Variants in PRKCE observed in about 807,000 individuals in gnomAD.
PRKCE encodes the protein protein kinase C epsilon type.
In PRKCE, 16 loss-of-function variants were observed where a neutral mutation model predicts 85.4. That is an observed-to-expected ratio of 0.19 (90% CI 0.13 to 0.28). The LOEUF (loss-of-function observed/expected upper bound fraction) is 0.28, where lower values mean the gene tolerates loss of function less well. Among genes scored for constraint, PRKCE ranks in the 10% least tolerant of loss-of-function variants. The probability of loss-of-function intolerance (pLI) is 1.00; values close to 1 mark genes in which losing one functional copy is unlikely to be tolerated. For missense variants in PRKCE, 573 were observed against 975.2 expected (o/e 0.59, Z 5.49); for synonymous variants, 388 against 371.5 (o/e 1.04, Z -0.51).
intron 10 of PRKCE, among the ~76,000 whole-genome samples, chr2:46,070,289 A>AC (rs11383987): frequency 0.086 from 13,032 of 152,258 alleles, 836 homozygotes; most frequent in Non-Finnish European, 0.13. Flanking sequence ...TCCTGTGTGG[A>AC]CCCTCAATAC....
chr2:46,028,131 G>A (rs964286310), intron 10 of PRKCE, among the ~76,000 whole-genome samples: 10 of 152,070 alleles, frequency 6.6e-5, no homozygotes, highest in Non-Finnish European at 1.2e-4. Context: ...TAGTAGAGAC[G>A]GGGTTTTGCC....
intron 14 of PRKCE, among the ~76,000 whole-genome samples, chr2:46,166,638 C>T (rs1201885244): frequency 6.6e-6 from 1 of 152,224 alleles, no homozygotes; most frequent in Non-Finnish European, 1.5e-5. Flanking sequence ...CCTCTGGCTT[C>T]CTTGAGCCTC....
At chr2:45,870,165 T>C (rs1255048446) in intron 2 of PRKCE, among the ~76,000 whole-genome samples, 1 of 152,232 alleles carries the variant, frequency 6.6e-6, no homozygotes, top group Non-Finnish European at 1.5e-5. Flanking sequence ...GAGTCCTTTC[T>C]TTTAAACAGC....
chr2:45,992,507 C>T (rs1244894569), intron 6 of PRKCE, among the ~76,000 whole-genome samples: 1 of 152,226 alleles, frequency 6.6e-6, no homozygotes, highest in Non-Finnish European at 1.5e-5. Flanking sequence ...CTGCCAACTT[C>T]CATTGCACAA....
At chr2:45,671,160 G>A (rs952928382) in intron 1 of PRKCE, among the ~76,000 whole-genome samples, 6 of 152,174 alleles carry the variant, frequency 3.9e-5, no homozygotes, top group African/African-American at 1.4e-4. Flanking sequence ...ACTGCACAAT[G>A]GGGATACATT....
At chr2:45,660,024 T>TTGAA (rs1383381598) in intron 1 of PRKCE, among the ~76,000 whole-genome samples, 1 of 152,212 alleles carries the variant, frequency 6.6e-6, no homozygotes, top group Non-Finnish European at 1.5e-5. Context: ...GAATAAATTG[T>TTGAA]TGAATGAATG....
At chr2:46,019,146 A>T (rs929244199) in intron 10 of PRKCE, among the ~76,000 whole-genome samples, 3 of 152,232 alleles carry the variant, frequency 2.0e-5, no homozygotes, top group East Asian at 3.8e-4. Flanking sequence ...GAATAACCTG[A>T]TTTTGTTCAA....
chr2:46,126,043 G>C (rs111649576), intron 11 of PRKCE, among the ~76,000 whole-genome samples: 4 of 152,338 alleles, frequency 2.6e-5, no homozygotes, highest in African/African-American at 9.6e-5. Flanking sequence ...TGCCGAGTGG[G>C]CTCAGGCAGT....
chr2:45,825,755 G>T (rs1689894214), intron 1 of PRKCE, among the ~76,000 whole-genome samples: 1 of 152,140 alleles, frequency 6.6e-6, no homozygotes, highest in East Asian at 1.9e-4. Context: ...AGGCATGGTG[G>T]CATGCACCTG....
intron 4 of PRKCE, 54 bp downstream of exon 4, chr2:45,979,064 A>C: frequency 1.1e-5 from 17 of 1,540,246 alleles, no homozygotes; most frequent in Non-Finnish European, 1.4e-5. Context: ...GATCCAGATC[A>C]CTGGCACCCA....
chr2:45,805,561 A>T (rs967569166), intron 1 of PRKCE, among the ~76,000 whole-genome samples: 4 of 151,354 alleles, frequency 2.6e-5, no homozygotes, highest in Admixed American at 6.6e-5. Flanking sequence ...CACTTATTGA[A>T]GCTTATGCTA....
chr2:45,950,642 C>T (rs1700556321), intron 2 of PRKCE, among the ~76,000 whole-genome samples: 1 of 152,032 alleles, frequency 6.6e-6, no homozygotes, highest in African/African-American at 2.4e-5. Flanking sequence ...ATGCCCAGGC[C>T]AAGTGTCTAA....
intron 2 of PRKCE, among the ~76,000 whole-genome samples, chr2:45,847,144 A>G (rs1691861322): frequency 6.6e-6 from 1 of 152,198 alleles, no homozygotes; most frequent in Non-Finnish European, 1.5e-5. Context: ...TTGTCACTCC[A>G]TTTATTCCTT....
intron 1 of PRKCE, among the ~76,000 whole-genome samples, chr2:45,783,937 C>T (rs1305410333): frequency 6.6e-6 from 1 of 152,254 alleles, no homozygotes; most frequent in East Asian, 1.9e-4. Context: ...TTTCTTTCTT[C>T]ATCTTCCAGG....
intron 10 of PRKCE, among the ~76,000 whole-genome samples, chr2:46,023,998 A>T (rs1706896434): frequency 6.6e-6 from 1 of 152,220 alleles, no homozygotes; most frequent in Admixed American, 6.5e-5. Context: ...CCAAAGAGGG[A>T]TCATACAGCT....
At position 45,707,594 on chromosome 2, in the gene PRKCE, G is replaced by C. The variant is rs982388296; in HGVS notation, c.348+55146G>C. On this transcript the variant is annotated intron_variant, in intron 1 of 14. Coordinates refer to ENST00000306156, the MANE Select transcript of PRKCE (RefSeq NM_005400.3). ...CCCTGTGCTTGTCCTTTTGGGAGAG[G>C]CTTTATCTGTTCATGGAAGTCAAGG... 2.6e-5 allele frequency among the ~76,000 whole-genome samples: 4 copies of C among 152,280 alleles called. No individual in the cohort carries two copies. In the East Asian group the frequency reaches 7.7e-4, roughly 29 times the overall value.
At chr2:45,762,500 C>A (rs1254582424) in intron 1 of PRKCE, among the ~76,000 whole-genome samples, 1 of 152,194 alleles carries the variant, frequency 6.6e-6, no homozygotes, top group Non-Finnish European at 1.5e-5. Flanking sequence ...TACACCAAGG[C>A]TCTTTTTCAT....
At chr2:45,940,665 C>G (rs1297587220) in intron 2 of PRKCE, among the ~76,000 whole-genome samples, 1 of 151,806 alleles carries the variant, frequency 6.6e-6, no homozygotes, top group Non-Finnish European at 1.5e-5. Context: ...AGTGTTCACT[C>G]TCACGTACCG....
intron 6 of PRKCE, among the ~76,000 whole-genome samples, chr2:45,988,043 G>C (rs1409569333): frequency 2.0e-5 from 3 of 152,228 alleles, no homozygotes; most frequent in Non-Finnish European, 4.4e-5. Flanking sequence ...CACCCATGCA[G>C]CCTGGCCCTG....
Sources: gnomAD v4.1 joint callset for allele counts (sites outside exome capture counted in the v4.1 genomes callset) on GRCh38, gnomAD v4.1.1 for gene constraint, MANE v1.5 for transcripts, NCBI Gene and HGNC (gene_info 2026-07-23, HGNC 2026-07-21) for gene names.